Variants in TMEM132E observed in about 807,000 individuals in gnomAD.
The protein encoded by TMEM132E is transmembrane protein 132E.
A neutral mutation model predicts 78.5 loss-of-function variants in TMEM132E; 49 were observed. The ratio of observed to expected loss-of-function variants is 0.62; its 90% CI spans 0.50 to 0.79. The LOEUF is 0.79. Among genes scored for constraint, TMEM132E ranks in the 30% least tolerant of loss-of-function variants. The pLI is 0.00. For synonymous variants in TMEM132E, 715 were observed against 670.6 expected (o/e 1.07, Z -1.02); for missense variants, 1,403 against 1,470.9 (o/e 0.95, Z 0.75).
chr17:34,587,711 TAGG>T (rs1250567050), intron 1 of TMEM132E, among the ~76,000 whole-genome samples: 1 of 152,018 alleles, frequency 6.6e-6, no homozygotes, highest in Non-Finnish European at 1.5e-5. Context: ...TGGTGGGAGG[TAGG>T]AGCACAGGTG....
intron 1 of TMEM132E, among the ~76,000 whole-genome samples, chr17:34,622,368 G>A (rs890874921): frequency 6.6e-6 from 1 of 152,232 alleles, no homozygotes; most frequent in Non-Finnish European, 1.5e-5. Context: ...TGAGGAGACT[G>A]AAGGGCCCCA....
chr17:34,638,189 C>T lies in TMEM132E; in HGVS notation c.3182C>T (p.Pro1061Leu), dbSNP rs767297320. The change falls in exon 9 of 9, where the codon CCG becomes CTG. Residue 1061 changes from proline to leucine, a missense_variant. Physicochemically the swap from Pro to Leu is moderately conservative, Grantham distance 98. Around this residue, in one of 3 missense-constraint regions of TMEM132E, gnomAD observed 888 missense variants for 952.8 expected, o/e 0.93. Transcript: ENST00000631683. ...VAGPTRPTAP[P>L]DLHNYMRRIK... ...GGCCCCACGCGGCCCACTGCACCCC[C>T]GGACCTGCACAATTACATGCGCAGA... 2 of 1,604,650 alleles carry T rather than the reference C, an allele frequency of 1.2e-6. No homozygotes were observed. Among genetic ancestry groups the T allele is most frequent in the South Asian group, 1.1e-5 (1 of 89,716 alleles).
At position 34,580,555 on chromosome 17, in the gene TMEM132E, T is replaced by A. The variant is rs1905429129; in HGVS notation, c.-522T>A. The A allele has an allele frequency of 6.5e-6, 1 of 153,096 alleles. No individual in the cohort carries two copies. The highest frequency in any genetic ancestry group is 1.5e-5 in the Non-Finnish European group (1 of 68,640). 9.5% of individuals were successfully genotyped at this position (153,096 alleles called of 1,614,324 possible). A position where few individuals can be genotyped will look rare whatever the true frequency, so the allele number is the denominator to read the frequency against. ...TTCTCTTTCTTTGAGAAAGACAGCA[T>A]TCATTTGCACCTGACCTGGGATTTT... On this transcript the variant is annotated 5_prime_UTR_variant, in exon 1 of 9. Transcript: ENST00000631683.
At chr17:34,615,359 G>C (rs1252242791) in intron 1 of TMEM132E, among the ~76,000 whole-genome samples, 3 of 152,116 alleles carry the variant, frequency 2.0e-5, no homozygotes, top group African/African-American at 4.8e-5. Context: ...AGGTCTCTGT[G>C]ATTTCCTTCC....
chr17:34,613,246 G>A lies in TMEM132E; in HGVS notation c.68-12881G>A, dbSNP rs139484359. Among the ~76,000 whole-genome samples the A allele has an allele frequency of 1.6e-3, 226 of 142,066 alleles. 3 individuals carry two copies. The East Asian group carries it at 0.035, about 22-fold the overall frequency. The allele number at this position is 142,066 out of a possible 152,430, so 93.2% of individuals were successfully genotyped here. ...GCGCGCGTTCTTACATTCTTTTTCC[G>A]TTGTTTGCGGCTAATTGTTTATTAG... On this transcript the variant is annotated intron_variant, in intron 1 of 8. Transcript: ENST00000631683.
rs748325131 is a variant in TMEM132E at position 34,632,857 on chromosome 17, G to A, written c.1636G>A (p.Ala546Thr). ...GCCCTTGCACATTGAGCTCTCAGATGCCCGCCTCAGCCAAGTGAAGGGCTG... is the reference window on the plus strand; with the variant it reads ...GCCCTTGCACATTGAGCTCTCAGATACCCGCCTCAGCCAAGTGAAGGGCTG... Reference protein sequence around the residue: ...KLPLHIELSDARLSQVKGWRV... With the variant: ...KLPLHIELSDTRLSQVKGWRV... Residue 546 changes from alanine to threonine, a missense_variant, in exon 6 of 9, where the codon GCC (alanine) becomes ACC (threonine). Physicochemically the swap from Ala to Thr is moderately conservative, Grantham distance 58 (BLOSUM62 0). Coordinates refer to ENST00000631683, the MANE Select transcript of TMEM132E (RefSeq NM_001304438.2). 3 of 1,614,076 alleles carry A rather than the reference G, an allele frequency of 1.9e-6. No individual in the cohort carries two copies. Among genetic ancestry groups the A allele is most frequent in the Non-Finnish European group, 1.7e-6 (2 of 1,180,052 alleles).
At chr17:34,615,171 G>A (rs1251825740) in intron 1 of TMEM132E, among the ~76,000 whole-genome samples, 3 of 31,384 alleles carry the variant, frequency 9.6e-5, no homozygotes, top group Non-Finnish European at 2.2e-4. Context: ...TAGGAGGCCA[G>A]TTCAGGGGCT....
chr17:34,637,983 C>T lies in TMEM132E; in HGVS notation c.2976C>T (p.Gly992=), dbSNP rs759775008. ...QVHGRGDGSS[G]GSARDQAEDP... ...ACGGCAGGGGCGACGGCTCCTCGGGCGGCTCAGCCCGAGACCAAGCCGAGG... is the reference window on the plus strand; with the variant it reads ...ACGGCAGGGGCGACGGCTCCTCGGGTGGCTCAGCCCGAGACCAAGCCGAGG... Residue 992 remains glycine, a synonymous_variant, in exon 9 of 9, where the codon GGC becomes GGT. Transcript: ENST00000631683. 1.9e-6 allele frequency: 3 copies of T among 1,588,646 alleles called. No homozygotes were observed. The highest frequency in any genetic ancestry group is 2.3e-5 in the East Asian group (1 of 43,552).
In TMEM132E at chr17:34,629,189, C is replaced by A; in HGVS notation, c.1323C>A (p.Ile441=). ...TCATTCAGCGGGATGTGCAAGCCAT[C>A]CTGCCCCTGGCCATGGTGAGCAGGC... is the stretch of plus-strand genomic sequence containing the variant. The part of the protein sequence containing the change: ...LTVIQRDVQA[I]LPLAMDTEII... The change falls in exon 4 of 9, where the codon ATC becomes ATA. Residue 441 remains isoleucine, a synonymous_variant. Transcript: ENST00000631683. 3.7e-6 allele frequency: 6 copies of A among 1,614,026 alleles called. No individual in the cohort carries two copies. Among genetic ancestry groups the A allele is most frequent in the Non-Finnish European group, 5.1e-6 (6 of 1,179,964 alleles).
intron 1 of TMEM132E, among the ~76,000 whole-genome samples, chr17:34,620,259 C>G (rs1597687394): frequency 6.6e-6 from 1 of 152,350 alleles, no homozygotes; most frequent in Non-Finnish European, 1.5e-5. Context: ...GGGCAGGTAC[C>G]CCCAACCTCA....
At chr17:34,586,112 G>T (rs766566070) in intron 1 of TMEM132E, among the ~76,000 whole-genome samples, 149 of 151,716 alleles carry the variant, frequency 9.8e-4, no homozygotes, top group Non-Finnish European at 1.8e-3. Context: ...TTCTCTGTCA[G>T]AGCACACGCC....
chr17:34,618,497 G>C (rs1355494406), intron 1 of TMEM132E, among the ~76,000 whole-genome samples: 1 of 151,658 alleles, frequency 6.6e-6, no homozygotes, highest in East Asian at 1.9e-4. Flanking sequence ...CTCCCAAAGT[G>C]CTGGAATTAT....
intron 7 of TMEM132E, among the ~76,000 whole-genome samples, chr17:34,635,374 A>G (rs907958923): frequency 6.6e-6 from 1 of 152,164 alleles, no homozygotes; most frequent in African/African-American, 2.4e-5. Flanking sequence ...GAGTCCAGGA[A>G]GGTGCATTTG....
chr17:34,604,498 C>T (rs532916304), intron 1 of TMEM132E, among the ~76,000 whole-genome samples: 1 of 152,330 alleles, frequency 6.6e-6, no homozygotes, highest in Non-Finnish European at 1.5e-5. Flanking sequence ...TCCAAGGCCC[C>T]TGTGATCTGA....
chr17:34,583,671 A>G (rs1334210051), intron 1 of TMEM132E, among the ~76,000 whole-genome samples: 2 of 152,222 alleles, frequency 1.3e-5, no homozygotes, highest in Non-Finnish European at 2.9e-5. Flanking sequence ...TTCTGACCAC[A>G]CAGCCAGACT....
intron 1 of TMEM132E, among the ~76,000 whole-genome samples, chr17:34,583,469 G>A (rs942603963): frequency 2.0e-5 from 3 of 152,194 alleles, no homozygotes; most frequent in Non-Finnish European, 2.9e-5. Flanking sequence ...CATCTTGCCT[G>A]GGCTGCCCTC....
rs1374045422 is a variant in TMEM132E, at chr17:34,637,667, T to C, written c.2660T>C (p.Leu887Pro). Reference protein sequence around the residue: ...FLQVPRGLTDLEIGMYALLGV... With the variant: ...FLQVPRGLTDPEIGMYALLGV... Reference sequence around the variant, plus strand: ...CAGGTGCCACGGGGTCTGACAGACCTGGAGATCGGCATGTACGCGCTGCTG... The same window carrying C: ...CAGGTGCCACGGGGTCTGACAGACCCGGAGATCGGCATGTACGCGCTGCTG... Residue 887 changes from leucine (L) to proline (P), a missense_variant, in exon 9 of 9, where the codon CTG (leucine) becomes CCG (proline). Transcript: ENST00000631683. The C allele has an allele frequency of 6.2e-7, 1 of 1,609,808 alleles. No individual in the cohort carries two copies. The highest frequency in any genetic ancestry group is 1.1e-5 in the South Asian group (1 of 91,068).
chr17:34,583,605 G>A (rs1485169532), intron 1 of TMEM132E, among the ~76,000 whole-genome samples: 1 of 152,188 alleles, frequency 6.6e-6, no homozygotes, highest in Non-Finnish European at 1.5e-5. Flanking sequence ...AAAATGCTGG[G>A]AGATAGAGGG....
chr17:34,627,471 T>TGTGCGTGCGCGCACGCGCGCGCGC (rs1555564414), intron 2 of TMEM132E, among the ~76,000 whole-genome samples: 27 of 115,630 alleles, frequency 2.3e-4, no homozygotes, highest in African/African-American at 7.4e-4. Context: ...AAGAATCGTG[T>TGTGCGTGCGCGCACGCGCGCGCGC]GTGTGTGTGT....
Sources: gnomAD v4.1 joint callset for allele counts (sites outside exome capture counted in the v4.1 genomes callset) on GRCh38, gnomAD v4.1.1 for gene constraint, gnomAD v4.1.1 regional missense constraint, MANE v1.5 for transcripts, NCBI Gene and HGNC (gene_info 2026-07-23, HGNC 2026-07-21) for gene names.